Variants in NCOA1 observed in about 807,000 individuals in gnomAD.
The protein encoded by NCOA1 is nuclear receptor coactivator 1, also known as Hin-2 protein.
NCOA1 carries 35 observed loss-of-function variants against 150.9 expected under a neutral mutation model. The ratio of observed to expected loss-of-function variants is 0.23; its 90% CI spans 0.18 to 0.31. NCOA1 has a LOEUF of 0.31. Among genes scored for constraint, NCOA1 ranks in the 10% least tolerant of loss-of-function variants. NCOA1 has a pLI of 1.00. For synonymous variants in NCOA1, 590 were observed against 630.0 expected (o/e 0.94, Z 0.95); for missense variants, 1,491 against 1,749.3 (o/e 0.85, Z 2.63).
At chr2:24,507,338 C>G (rs1050219807) in intron 1 of NCOA1, among the ~76,000 whole-genome samples, 12 of 151,516 alleles carry the variant, frequency 7.9e-5, no homozygotes, top group African/African-American at 2.9e-4. Context: ...TAGTACCTGT[C>G]TCCACAAGGT....
At chr2:24,733,178 A>G (rs1663106648) in intron 17 of NCOA1, among the ~76,000 whole-genome samples, 1 of 152,202 alleles carries the variant, frequency 6.6e-6, no homozygotes, top group Admixed American at 6.5e-5. Flanking sequence ...TTGAGGTTTA[A>G]ATATATTGTT....
intron 14 of NCOA1, among the ~76,000 whole-genome samples, chr2:24,726,143 G>A (rs1439963): frequency 0.8 from 122,286 of 152,052 alleles, 51,173 homozygotes; most frequent in East Asian, 0.99. Context: ...TTCATTTGCT[G>A]CATGGCCTCA....
chr2:24,629,479 G>T (rs1040968696), intron 3 of NCOA1, among the ~76,000 whole-genome samples: 1 of 132,412 alleles, frequency 7.6e-6, no homozygotes, highest in East Asian at 2.2e-4. Flanking sequence ...TACTGTTTGG[G>T]TTTTTTTTTT....
intron 8 of NCOA1, among the ~76,000 whole-genome samples, chr2:24,685,247 TAGA>T (rs1672349025): frequency 6.6e-6 from 1 of 152,156 alleles, no homozygotes; most frequent in Non-Finnish European, 1.5e-5. Flanking sequence ...TTTACAGATT[TAGA>T]AGATTTCAGT....
intron 14 of NCOA1, among the ~76,000 whole-genome samples, chr2:24,725,324 AAT>A (rs1300958460): frequency 2.6e-5 from 4 of 152,080 alleles, no homozygotes; most frequent in Non-Finnish European, 4.4e-5. Context: ...ATTTTCTCAC[AAT>A]TCTGGAAGCC....
chr2:24,585,546 A>G (rs1385976354), intron 3 of NCOA1, among the ~76,000 whole-genome samples: 1 of 152,036 alleles, frequency 6.6e-6, no homozygotes, highest in Non-Finnish European at 1.5e-5. Flanking sequence ...AAGGAATGCC[A>G]CTTAAGTTAC....
chr2:24,731,166 A>AT (rs1662992087), intron 17 of NCOA1, among the ~76,000 whole-genome samples: 1 of 152,178 alleles, frequency 6.6e-6, no homozygotes, highest in Non-Finnish European at 1.5e-5. Flanking sequence ...AAAAGTATTT[A>AT]AAGAGGTTCC....
intron 10 of NCOA1, among the ~76,000 whole-genome samples, chr2:24,694,511 TC>T (rs1392911503): frequency 6.6e-6 from 1 of 152,178 alleles, no homozygotes; most frequent in Non-Finnish European, 1.5e-5. Context: ...GTGCCAATAA[TC>T]TAATATTCTA....
intron 3 of NCOA1, among the ~76,000 whole-genome samples, chr2:24,623,097 G>A (rs964234440): frequency 1.3e-5 from 2 of 152,178 alleles, no homozygotes; most frequent in Admixed American, 1.3e-4. Context: ...AGGACAACCA[G>A]TATACTTTTC....
chr2:24,544,531 C>G (rs1665530227), intron 1 of NCOA1, among the ~76,000 whole-genome samples: 1 of 152,068 alleles, frequency 6.6e-6, no homozygotes, highest in Non-Finnish European at 1.5e-5. Context: ...TGCTTGAGTT[C>G]AGGAGTTTGA....
At chr2:24,656,671 T>A (rs1459269855) in intron 4 of NCOA1, among the ~76,000 whole-genome samples, 1 of 152,224 alleles carries the variant, frequency 6.6e-6, no homozygotes, top group Non-Finnish European at 1.5e-5. Context: ...TATCTACTTC[T>A]ATGAGATTAA....
chr2:24,735,441 A>C (rs1663248007), intron 17 of NCOA1, among the ~76,000 whole-genome samples: 2 of 152,196 alleles, frequency 1.3e-5, no homozygotes, highest in Admixed American at 1.3e-4. Context: ...TGATTTGAGA[A>C]AAGAAAACGG....
chr2:24,671,605 G>A (rs1488485940), intron 6 of NCOA1, among the ~76,000 whole-genome samples: 2 of 152,190 alleles, frequency 1.3e-5, no homozygotes, highest in African/African-American at 2.4e-5. Flanking sequence ...CTGTCACCCA[G>A]GCTGGAGTGC....
intron 1 of NCOA1, among the ~76,000 whole-genome samples, chr2:24,517,695 A>G (rs1664263536): frequency 6.6e-6 from 1 of 152,202 alleles, no homozygotes; most frequent in South Asian, 2.1e-4. Flanking sequence ...ACACATGTGA[A>G]GTGCTTATCA....
chr2:24,498,677 A>G (rs1663326924), intron 1 of NCOA1, among the ~76,000 whole-genome samples: 1 of 152,178 alleles, frequency 6.6e-6, no homozygotes, highest in Admixed American at 6.5e-5. Context: ...CATCAGCTGA[A>G]GTGGGAGAGG....
chr2:24,728,986 C>G (rs921159910), intron 16 of NCOA1, among the ~76,000 whole-genome samples: 5 of 152,254 alleles, frequency 3.3e-5, no homozygotes, highest in African/African-American at 1.2e-4. Context: ...CACACACACA[C>G]AAGCACACGC....
At chr2:24,627,704 G>C (rs1558852594) in intron 3 of NCOA1, among the ~76,000 whole-genome samples, 1 of 152,142 alleles carries the variant, frequency 6.6e-6, no homozygotes, top group Non-Finnish European at 1.5e-5. Context: ...AGAACAACTT[G>C]GTTTTGATGG....
intron 19 of NCOA1, among the ~76,000 whole-genome samples, chr2:24,751,738 C>T (rs1664252424): frequency 6.6e-6 from 1 of 152,072 alleles, no homozygotes; most frequent in Non-Finnish European, 1.5e-5. Context: ...GAATGGAAAG[C>T]ATTATTCCGA....
intron 10 of NCOA1, among the ~76,000 whole-genome samples, chr2:24,695,535 A>C (rs1672859084): frequency 6.6e-6 from 1 of 152,242 alleles, no homozygotes; most frequent in African/African-American, 2.4e-5. Context: ...TGTAAAACTA[A>C]CATTATATAA....
Sources: allele counts gnomAD v4.1 joint callset (sites outside exome capture counted in the v4.1 genomes callset), GRCh38; gene constraint gnomAD v4.1.1; transcripts MANE v1.5; gene names NCBI Gene and HGNC (gene_info 2026-07-23, HGNC 2026-07-21).